The following TAF7L variants were observed in gnomAD, a reference collection of about 807,000 sequenced individuals.
TAF7L encodes TATA-box binding protein associated factor 7 like, also known as transcription initiation factor TFIID subunit 7-like.
Under a neutral mutation model 30.2 loss-of-function variants are expected in TAF7L, and 6 were observed. The observed-to-expected ratio is 0.20, with a 90% confidence interval of 0.11 to 0.39. TAF7L has a LOEUF of 0.39. Ranked by LOEUF, TAF7L falls within the 10% of genes least tolerant of loss-of-function variation. TAF7L has a pLI of 1.00. For synonymous variants in TAF7L, 93 were observed against 94.5 expected, an observed-to-expected ratio of 0.98 and a Z score of 0.09; for missense variants, 284 against 277.1, an observed-to-expected ratio of 1.03 and a Z score of -0.18.
In TAF7L at chrX:101,279,007, C is replaced by A. The variant is rs1406891358; in HGVS notation, c.491G>T (p.Ser164Ile). 8.3e-7 allele frequency: 1 copy of A among 1,205,902 alleles called. No individual in the cohort carries two copies. ...KVPDVKEMEK[S>I]SFTEYIESPD... ...TGATTGCTCTACCTCAGTAAAGCTG[C>A]TTTTTTCCATTTCTTTGACATCAGG... is the stretch of plus-strand genomic sequence containing the variant. The change falls in exon 7 of 13, where the codon AGC (serine) becomes ATC (isoleucine). Residue 164 changes from serine (S) to isoleucine (I), a missense_variant. By Grantham distance (142) the Ser-to-Ile change is moderately radical (BLOSUM62 -2). Transcript: ENST00000356784.
At position 101,269,237 on chromosome X, in the gene TAF7L, G is replaced by A. The variant is rs374525660; in HGVS notation, c.1087C>T (p.Leu363Phe). 34 of 1,202,181 alleles carry A rather than the reference G, an allele frequency of 2.8e-5. No individual in the cohort carries two copies. Among genetic ancestry groups the A allele is most frequent in the Non-Finnish European group, 3.6e-5 (32 of 889,876 alleles). ...TGCAACTGTTCCTGTAGGGAAATGA[G>A]CTGTAGGGAGAGGTAGAAAGACATG... ...ELQEKQKNEK[L>F]ISLQEQLQRF... Residue 363 changes from leucine to phenylalanine, a missense_variant and splice_region_variant, in exon 13 of 13, where the codon CTC becomes TTC. Transcript: ENST00000356784.
chrX:101,276,872 G>A (rs1297329214), intron 9 of TAF7L, among the ~76,000 whole-genome samples: 3 of 109,975 alleles, frequency 2.7e-5, no homozygotes, highest in Non-Finnish European at 3.8e-5. Context: ...GCTCATGCCT[G>A]TAATCCCAGC....
intron 9 of TAF7L, among the ~76,000 whole-genome samples, chrX:101,277,212 A>C (rs1924226812): frequency 9.9e-6 from 1 of 100,503 alleles, no homozygotes; most frequent in Admixed American, 1.1e-4. Flanking sequence ...TAATTCAAGC[A>C]CTTTGGGAGG....
chrX:101,277,077 G>A (rs1169554028), intron 9 of TAF7L, among the ~76,000 whole-genome samples: 12 of 103,181 alleles, frequency 1.2e-4, no homozygotes, highest in Non-Finnish European at 1.8e-4. Context: ...ACTTGAACCT[G>A]GGAGGCAGAG....
chrX:101,281,458 A>G (rs1489618444), intron 6 of TAF7L, among the ~76,000 whole-genome samples: 4 of 111,676 alleles, frequency 3.6e-5, no homozygotes, highest in Admixed American at 9.5e-5. Context: ...GAAAACTGAA[A>G]GCATTAACAG....
At chrX:101,285,811 G>A (rs146506655) in intron 3 of TAF7L, among the ~76,000 whole-genome samples, 1,385 of 110,875 alleles carry the variant, frequency 0.012, 21 homozygotes, top group African/African-American at 0.043. Flanking sequence ...AGTTGTTTGA[G>A]TTCCTTATAT....
intron 3 of TAF7L, among the ~76,000 whole-genome samples, chrX:101,284,356 T>C (rs1213950787): frequency 8.9e-6 from 1 of 111,957 alleles, no homozygotes. Context: ...AACTTTTCTT[T>C]TTCATTTGAT....
chrX:101,292,892 C>T (rs138473157), upstream of TAF7L: 7 of 1,209,301 alleles, frequency 5.8e-6, no homozygotes, highest in African/African-American at 1.2e-4. Context: ...GTGCCTTCGT[C>T]GCCAGCAATG....
intron 6 of TAF7L, 79 bp downstream of exon 6, chrX:101,281,641 A>G (rs1924410831): frequency 2.1e-6 from 2 of 948,940 alleles, no homozygotes; most frequent in Middle Eastern, 2.7e-4. Flanking sequence ...TTAATTCCCA[A>G]CTGACTTTTT....
intron 8 of TAF7L, 26 bp from the exon 9 acceptor site, chrX:101,277,745 A>AAC (rs1270795606): frequency 1.3e-5 from 14 of 1,064,724 alleles, no homozygotes; most frequent in Non-Finnish European, 1.8e-5. Flanking sequence ...AGTCAAGGAA[A>AAC]ACACAGAAGG....
chrX:101,285,215 G>A (rs747651037), intron 3 of TAF7L, among the ~76,000 whole-genome samples: 92 of 110,915 alleles, frequency 8.3e-4, no homozygotes, highest in Middle Eastern at 9.3e-3. Context: ...ATGGCTGTAG[G>A]CCAGGCACAG....
upstream of TAF7L, among the ~76,000 whole-genome samples, chrX:101,292,453 A>T (rs1311787285): frequency 9.8e-6 from 1 of 101,593 alleles, no homozygotes; most frequent in East Asian, 3.1e-4. Flanking sequence ...AAAAAAAAAA[A>T]AAAAAAAGCG....
Position 101,268,500 on chromosome X carries a change from C to G in TAF7L, c.*693G>C, listed in dbSNP as rs773641604. ...GTTGGTGAATAACAACCAGCTCCAT[C>G]CTAAAAACAACAGAACATAAGCAGC... is the stretch of plus-strand genomic sequence containing the variant. On this transcript the variant is annotated 3_prime_UTR_variant, in exon 13 of 13. Transcript: ENST00000356784. The G allele has an allele frequency of 5.4e-5, 6 of 111,587 alleles. No homozygotes were observed. Among genetic ancestry groups the G allele is most frequent in the African/African-American group, 2.0e-4 (6 of 30,744 alleles). The allele number at this position is 111,587 out of a possible 1,213,427, so 9.2% of individuals were successfully genotyped here.
At chrX:101,269,708 T>C (rs1331856869) in intron 12 of TAF7L, among the ~76,000 whole-genome samples, 1 of 111,132 alleles carries the variant, frequency 9.0e-6, no homozygotes, top group Non-Finnish European at 1.9e-5. Flanking sequence ...GAGAACAGCA[T>C]GGGAAAGACC....
chrX:101,288,787 T>C (rs1924700804), intron 1 of TAF7L, among the ~76,000 whole-genome samples: 1 of 111,096 alleles, frequency 9.0e-6, no homozygotes, highest in Non-Finnish European at 1.9e-5. Flanking sequence ...TATAATCATA[T>C]ATAATTATGG....
chrX:101,279,745 CTG>C (rs751189321), intron 6 of TAF7L, among the ~76,000 whole-genome samples: 5 of 111,915 alleles, frequency 4.5e-5, no homozygotes, highest in East Asian at 2.8e-4. Flanking sequence ...TATAGCGACA[CTG>C]TGATATTGGT....
chrX:101,278,549 G>A (rs753313100), intron 7 of TAF7L, among the ~76,000 whole-genome samples: 5 of 111,783 alleles, frequency 4.5e-5, no homozygotes, highest in South Asian at 3.7e-4. Context: ...TATTAGAGAC[G>A]TTCCTATAAA....
In TAF7L at chrX:101,269,235, G is replaced by A; in HGVS notation, c.1089C>T (p.Leu363=). The A allele has an allele frequency of 8.3e-7, 1 of 1,203,524 alleles. No homozygotes were observed. Among genetic ancestry groups the A allele is most frequent in the Non-Finnish European group, 1.1e-6 (1 of 889,993 alleles). The change falls in exon 13 of 13, where the codon CTC becomes CTT. Residue 363 remains leucine (L), a splice_region_variant and synonymous_variant. Transcript: ENST00000356784. ...GCTGCAACTGTTCCTGTAGGGAAAT[G>A]AGCTGTAGGGAGAGGTAGAAAGACA... ...ELQEKQKNEK[L]ISLQEQLQRF...
upstream of TAF7L, among the ~76,000 whole-genome samples, chrX:101,291,845 A>C (rs2147389509): frequency 1.0e-5 from 1 of 97,460 alleles, no homozygotes; most frequent in South Asian, 5.4e-4. Context: ...CAGCCTGGCG[A>C]CAGAGTGAGA....
Sources: allele counts gnomAD v4.1 joint callset (sites outside exome capture counted in the v4.1 genomes callset), GRCh38; gene constraint gnomAD v4.1.1; transcripts MANE v1.5; gene names NCBI Gene and HGNC (gene_info 2026-07-23, HGNC 2026-07-21).